OGFR: variants seen among roughly 807,000 people sequenced by gnomAD.
The protein encoded by OGFR is opioid growth factor receptor, also known as protein 7-60.
Under a neutral mutation model 33.6 loss-of-function variants are expected in OGFR, and 18 were observed. The observed-to-expected ratio is 0.54, with a 90% CI of 0.37 to 0.80. The LOEUF (loss-of-function observed/expected upper bound fraction) is 0.80, where lower values mean the gene tolerates loss of function less well. Ranked by LOEUF, OGFR falls within the 30% of genes least tolerant of loss-of-function variation. The pLI, the probability that OGFR is intolerant of heterozygous loss-of-function variation, is 0.00. For synonymous variants in OGFR, 370 were observed against 400.7 expected (o/e 0.92, Z 0.91); for missense variants, 877 against 955.8 (o/e 0.92, Z 1.09).
Position 62,813,742 on chromosome 20 carries a change from T to G in OGFR, c.*93T>G. 1 of 1,461,876 alleles carries G rather than the reference T, an allele frequency of 6.8e-7. No individual in the cohort carries two copies. The highest frequency in any genetic ancestry group is 9.5e-7 in the Non-Finnish European group (1 of 1,049,800). 90.6% of individuals were successfully genotyped at this position (1,461,876 alleles called of 1,614,324 possible). A position where few individuals can be genotyped will look rare whatever the true frequency, so the allele number is the denominator to read the frequency against. ...GCTGCGGGCTCCCCTCAGGCTCTGC[T>G]TCGTGACCCGTGACCCATGACCCAC... On this transcript the variant is annotated 3_prime_UTR_variant, in exon 7 of 7. Transcript: ENST00000290291.
Position 62,811,624 on chromosome 20 carries a change from G to GCGGGCCCCCCCC in OGFR, c.614+15_614+16insGGGCCCCCCCCC. The GCGGGCCCCCCCC allele has an allele frequency of 1.9e-6, 3 of 1,551,476 alleles. No individual in the cohort carries two copies. Among genetic ancestry groups the GCGGGCCCCCCCC allele is most frequent in the Non-Finnish European group, 1.7e-6 (2 of 1,147,382 alleles). Reference sequence around the variant, plus strand: ...GAACCTGAACTGGTGAGGCCCGGCTGCTCCCGCCCACCCCCACCCCGGCGC... The same window carrying GCGGGCCCCCCCC: ...GAACCTGAACTGGTGAGGCCCGGCTGCGGGCCCCCCCCCTCCCGCCCACCCCCACCCCGGCGC... On this transcript the variant is annotated intron_variant, in intron 6 of 6. Transcript: ENST00000290291.
Position 62,811,626 on chromosome 20 carries a change from T to TGGGC in OGFR, c.614+16_614+17insGGGC. On this transcript the variant is annotated intron_variant, in intron 6 of 6. Coordinates refer to ENST00000290291, the MANE Select transcript of OGFR (RefSeq NM_007346.4). Reference sequence around the variant, plus strand: ...ACCTGAACTGGTGAGGCCCGGCTGCTCCCGCCCACCCCCACCCCGGCGCAG... The same window carrying TGGGC: ...ACCTGAACTGGTGAGGCCCGGCTGCTGGGCCCCGCCCACCCCCACCCCGGCGCAG... 3.3e-6 allele frequency: 5 copies of TGGGC among 1,502,492 alleles called. No homozygotes were observed. Among genetic ancestry groups the TGGGC allele is most frequent in the Non-Finnish European group, 1.8e-6 (2 of 1,110,090 alleles). 93.1% of individuals were successfully genotyped at this position (1,502,492 alleles called of 1,614,324 possible).
intron 4 of OGFR, 54 bp from the exon 5 acceptor site, chr20:62,810,445 A>T: frequency 1.9e-6 from 3 of 1,579,612 alleles, no homozygotes; most frequent in South Asian, 2.2e-5. Context: ...GCACCTGCCC[A>T]AGGTCTGGAA....
rs1313772202 is a variant in OGFR, at chr20:62,812,225, C to T, written c.615-5C>T. ...TTGACCTCTCCTGACCCGGATCTCT[C>T]GCAGGCGCAGCCACAACAACCTCCG... On this transcript the variant is annotated splice_polypyrimidine_tract_variant and splice_region_variant and intron_variant, in intron 6 of 6. Transcript: ENST00000290291. 13 of 1,492,380 alleles carry T rather than the reference C, an allele frequency of 8.7e-6. No homozygotes were observed. The highest frequency in any genetic ancestry group is 2.7e-5 in the South Asian group (2 of 74,582). The allele number at this position is 1,492,380 out of a possible 1,614,324, so 92.4% of individuals were successfully genotyped here. A position where few individuals can be genotyped will look rare whatever the true frequency, so the allele number is the denominator to read the frequency against.
chr20:62,812,406 G>C lies in OGFR; in HGVS notation c.791G>C (p.Arg264Pro). ...TACTTCATGTTCGCCGTGCGCTGCC[G>C]ACACCAGCGCCGCCAGCTGGTGCAC... ...LDYFMFAVRC[R>P]HQRRQLVHFA... The change falls in exon 7 of 7, where the codon CGA becomes CCA. Residue 264 changes from arginine to proline, a missense_variant. Around this residue, in one of 3 missense-constraint regions of OGFR, gnomAD observed 760 missense variants for 736.0 expected, o/e 1.03. Coordinates refer to ENST00000290291, the MANE Select transcript of OGFR (RefSeq NM_007346.4). The C allele has an allele frequency of 6.3e-7, 1 of 1,583,538 alleles. No homozygotes were observed. The highest frequency in any genetic ancestry group is 8.6e-7 in the Non-Finnish European group (1 of 1,166,136).
Position 62,813,888 on chromosome 20 carries a change from G to A in OGFR, c.*239G>A, listed in dbSNP as rs193025069. On this transcript the variant is annotated 3_prime_UTR_variant, in exon 7 of 7. Transcript: ENST00000290291. ...TGTCTTCCCCACCCAGCTCTCCCCT[G>A]CGCCCCTGTCTTTGTAAATTGACCC... The A allele has an allele frequency of 2.9e-5, 17 of 592,574 alleles. No homozygotes were observed. In the East Asian group the frequency reaches 4.8e-4, roughly 17 times the overall value. The allele number at this position is 592,574 out of a possible 1,614,324, so 36.7% of individuals were successfully genotyped here.
chr20:62,805,071 G>GC, intron 1 of OGFR, 41 bp downstream of exon 1: 1 of 1,278,474 alleles, frequency 7.8e-7, no homozygotes, highest in Non-Finnish European at 9.8e-7. Flanking sequence ...GGTCCCCGGC[G>GC]CCCCCCGCCC....
Position 62,813,958 on chromosome 20 carries a change from A to T in OGFR, c.*309A>T, listed in dbSNP as rs1045140691. 13 of 503,310 alleles carry T rather than the reference A, an allele frequency of 2.6e-5. No homozygotes were observed. The highest frequency in any genetic ancestry group is 2.1e-4 in the African/African-American group (11 of 51,874). The allele number at this position is 503,310 out of a possible 1,614,324, so 31.2% of individuals were successfully genotyped here. On this transcript the variant is annotated 3_prime_UTR_variant, in exon 7 of 7. Transcript: ENST00000290291. ...GGGCAGGGCTGCTTTTCTTAGTCTG[A>T]TACCAAGCAAGGCCTTTTCTGAATA...
chr20:62,808,745 G>A (rs903771015), intron 3 of OGFR, among the ~76,000 whole-genome samples: 4 of 152,080 alleles, frequency 2.6e-5, no homozygotes, highest in South Asian at 2.1e-4. Context: ...AGGCCAAGGC[G>A]GGTGGATCAC....
chr20:62,811,387 C>T lies in OGFR; in HGVS notation c.466-75C>T, dbSNP rs865947890. 54 of 1,536,552 alleles carry T rather than the reference C, an allele frequency of 3.5e-5. 1 individual carries two copies. In the Middle Eastern group the frequency reaches 3.4e-3, roughly 96 times the overall value. ...GTCCAGGCCTCTGAGTGAGTCGGGA[C>T]CCACGGCCACCCCCACACTCAGGAA... On this transcript the variant is annotated intron_variant, in intron 5 of 6. Coordinates refer to ENST00000290291, the MANE Select transcript of OGFR (RefSeq NM_007346.4).
chr20:62,806,277 T>C (rs1600771436), intron 1 of OGFR: 2 of 152,196 alleles, frequency 1.3e-5, no homozygotes, highest in African/African-American at 4.8e-5. Context: ...TGGCGGTGGC[T>C]CAGGCCTGTA....
chr20:62,813,894 CT>C lies in OGFR; in HGVS notation c.*246del. 3.4e-6 allele frequency: 2 copies of C among 588,328 alleles called. No homozygotes were observed. Among genetic ancestry groups the C allele is most frequent in the East Asian group, 2.8e-5 (1 of 35,156 alleles). 36.4% of individuals were successfully genotyped at this position (588,328 alleles called of 1,614,324 possible). ...CCCCACCCAGCTCTCCCCTGCGCCC[CT>C]GTCTTTGTAAATTGACCCTTCTGGA... On this transcript the variant is annotated 3_prime_UTR_variant, in exon 7 of 7. Transcript: ENST00000290291.
At chr20:62,809,425 C>T (rs1325748303) in intron 3 of OGFR, among the ~76,000 whole-genome samples, 160 bp from the exon 4 acceptor site, 2 of 152,226 alleles carry the variant, frequency 1.3e-5, no homozygotes, top group Non-Finnish European at 2.9e-5. Context: ...GGCAGCCCCA[C>T]TGAGCCTAGC....
chr20:62,809,618 C>T lies in OGFR; in HGVS notation c.353C>T (p.Thr118Met), dbSNP rs373508388. 140 of 1,599,998 alleles carry T rather than the reference C, an allele frequency of 8.8e-5. No individual in the cohort carries two copies. Among genetic ancestry groups the T allele is most frequent in the South Asian group, 3.4e-4 (31 of 90,976 alleles). ...ATTGAGGACATTCTTCAGAACTGGA[C>T]GGACAACTATGACCTCCTTGAGGAC... ...CFIEDILQNW[T>M]DNYDLLEDNH... The change falls in exon 4 of 7, where the codon ACG (threonine) becomes ATG (methionine). Residue 118 changes from threonine to methionine, a missense_variant. Thr to Met is a moderately conservative substitution (Grantham distance 81, BLOSUM62 -1). This residue lies in a region of OGFR where 760 missense variants were observed against 736.0 expected (regional missense o/e 1.03). Transcript: ENST00000290291.
At chr20:62,809,307 C>G (rs1568738234) in intron 3 of OGFR, among the ~76,000 whole-genome samples, 1 of 152,192 alleles carries the variant, frequency 6.6e-6, no homozygotes, top group South Asian at 2.1e-4. Flanking sequence ...ACCAGTGGTT[C>G]CCCCAGAGGG....
chr20:62,806,257 G>C (rs543885403), intron 1 of OGFR: 1 of 152,250 alleles, frequency 6.6e-6, no homozygotes, highest in East Asian at 1.9e-4. Context: ...AAATCAGGCC[G>C]AGAGGTCGGT....
Position 62,812,299 on chromosome 20 carries a change from C to G in OGFR, c.684C>G (p.Phe228Leu), listed in dbSNP as rs760825321. ...TGGGTGAGCTGGGCCTCGAGCACTT[C>G]CAGGCGCCGCTGGTCCGCTTCTTCC... Reference protein sequence around the residue: ...KSLGELGLEHFQAPLVRFFLE... With the variant: ...KSLGELGLEHLQAPLVRFFLE... Residue 228 changes from phenylalanine (F) to leucine (L), a missense_variant, in exon 7 of 7, where the codon TTC becomes TTG. Transcript: ENST00000290291. 1 of 1,548,560 alleles carries G rather than the reference C, an allele frequency of 6.5e-7. No homozygotes were observed. Among genetic ancestry groups the G allele is most frequent in the Non-Finnish European group, 8.7e-7 (1 of 1,146,842 alleles).
chr20:62,809,587 T>A lies in OGFR; in HGVS notation c.322T>A (p.Cys108Ser). The change falls in exon 4 of 7, where the codon TGT (cysteine) becomes AGT (serine). Residue 108 changes from cysteine to serine, a missense_variant and splice_region_variant. Around this residue, in one of 3 missense-constraint regions of OGFR, gnomAD observed 760 missense variants for 736.0 expected, o/e 1.03. Transcript: ENST00000290291. The stretch of plus-strand genomic sequence containing the variant: ...ACTTGTCCCCATGGGGCTCCCAGGC[T>A]GTTTCATTGAGGACATTCTTCAGAA... ...RNEIRFLPNG[C>S]FIEDILQNWT... 6.2e-7 allele frequency: 1 copy of A among 1,611,694 alleles called. No homozygotes were observed. Among genetic ancestry groups the A allele is most frequent in the Non-Finnish European group, 8.5e-7 (1 of 1,179,068 alleles).
rs373285963 is a variant in OGFR, at chr20:62,812,641, C to T, written c.1026C>T (p.Asp342=). ...PEHSKGGGRV[D]EGPQPRSVEP... ...ATAGCAAGGGTGGGGGCAGGGTGGA[C>T]GAGGGGCCCCAGCCACGGAGCGTGG... Residue 342 remains aspartate (D), a synonymous_variant, in exon 7 of 7, where the codon GAC becomes GAT. Coordinates refer to ENST00000290291, the MANE Select transcript of OGFR (RefSeq NM_007346.4). 125 of 1,558,548 alleles carry T rather than the reference C, an allele frequency of 8.0e-5. No homozygotes were observed. The highest frequency in any genetic ancestry group is 3.4e-4 in the Middle Eastern group (2 of 5,864).
Sources: allele counts gnomAD v4.1 joint callset (sites outside exome capture counted in the v4.1 genomes callset), GRCh38; gene constraint gnomAD v4.1.1; regional missense constraint gnomAD v4.1.1; transcripts MANE v1.5; gene names NCBI Gene and HGNC (gene_info 2026-07-23, HGNC 2026-07-21).